KATNBL1: variants seen among roughly 807,000 people sequenced by gnomAD.
The protein encoded by KATNBL1 is katanin regulatory subunit B1 like 1, also known as KATNB1-like protein 1.
In KATNBL1, 28 loss-of-function variants were observed where a neutral mutation model predicts 44.7. The observed-to-expected ratio is 0.63, with a 90% CI of 0.46 to 0.86. The LOEUF (loss-of-function observed/expected upper bound fraction) is 0.86. Among genes scored for constraint, KATNBL1 ranks in the 40% least tolerant of loss-of-function variants. The pLI is 0.00. For missense variants in KATNBL1, 272 were observed against 350.7 expected (o/e 0.78, Z 1.79); for synonymous variants, 78 against 114.9 (o/e 0.68, Z 2.06).
intron 1 of KATNBL1, among the ~76,000 whole-genome samples, chr15:34,183,472 C>T (rs993800074): frequency 6.6e-6 from 1 of 152,168 alleles, no homozygotes; most frequent in Admixed American, 6.6e-5. Flanking sequence ...TTAGGTCAAA[C>T]AGATCCATGT....
At chr15:34,174,081 G>A (rs1256382585) in intron 1 of KATNBL1, among the ~76,000 whole-genome samples, 1 of 152,194 alleles carries the variant, frequency 6.6e-6, no homozygotes, top group African/African-American at 2.4e-5. Context: ...TCATTCTTGA[G>A]TTTTCCAAAT....
intron 1 of KATNBL1, among the ~76,000 whole-genome samples, chr15:34,184,223 G>C (rs141448944): frequency 6.6e-6 from 1 of 151,710 alleles, no homozygotes; most frequent in Non-Finnish European, 1.5e-5. Context: ...GGAGAATGGC[G>C]TGAACCCGAG....
intron 1 of KATNBL1, among the ~76,000 whole-genome samples, chr15:34,163,896 CTT>C (rs5811822): frequency 0.01 from 1,485 of 145,612 alleles, 12 homozygotes; most frequent in Non-Finnish European, 0.015. Context: ...TGTCCTCATT[CTT>C]TTTTTTTTTT....
chr15:34,146,672 G>A, intron 8 of KATNBL1, 89 bp downstream of exon 8: 1 of 767,240 alleles, frequency 1.3e-6, no homozygotes. Flanking sequence ...ATACACTGAT[G>A]ATAATGGGAT....
intron 2 of KATNBL1, among the ~76,000 whole-genome samples, chr15:34,158,304 A>G (rs759543433): frequency 3.3e-5 from 5 of 152,192 alleles, no homozygotes; most frequent in Non-Finnish European, 5.9e-5. Context: ...TTGGTCTGGT[A>G]ACACCCATTT....
intron 2 of KATNBL1, among the ~76,000 whole-genome samples, chr15:34,155,932 T>C (rs1021850651): frequency 6.6e-6 from 1 of 152,248 alleles, no homozygotes; most frequent in Non-Finnish European, 1.5e-5. Flanking sequence ...TAAATAAATG[T>C]GGGAGTCGAA....
chr15:34,192,909 G>A (rs1179364657), intron 1 of KATNBL1, among the ~76,000 whole-genome samples: 1 of 152,146 alleles, frequency 6.6e-6, no homozygotes, highest in Non-Finnish European at 1.5e-5. Context: ...CATCTCATAA[G>A]TATTACTTTA....
At chr15:34,145,008 T>C (rs1888266468) in intron 9 of KATNBL1, 2 of 879,240 alleles carry the variant, frequency 2.3e-6, no homozygotes, top group Non-Finnish European at 2.7e-6. Flanking sequence ...AGCATAACAT[T>C]AGCAAAAGTA....
chr15:34,184,576 C>CTTTTCTTTTCT (rs760395860), intron 1 of KATNBL1, among the ~76,000 whole-genome samples: 3 of 95,260 alleles, frequency 3.1e-5, no homozygotes, highest in South Asian at 3.6e-4. Flanking sequence ...CCTAATGTTT[C>CTTTTCTTTTCT]TTTTTTTTTT....
intron 1 of KATNBL1, among the ~76,000 whole-genome samples, chr15:34,172,560 G>A (rs1323110880): frequency 1.3e-5 from 2 of 152,050 alleles, no homozygotes; most frequent in Non-Finnish European, 2.9e-5. Flanking sequence ...CCCAGCCTAG[G>A]AACATATTCT....
chr15:34,199,735 A>C (rs1890122993), intron 1 of KATNBL1: 1 of 152,286 alleles, frequency 6.6e-6, no homozygotes, highest in Non-Finnish European at 1.5e-5. Flanking sequence ...GGCCGAATTC[A>C]AGAATGAAGC....
At chr15:34,174,496 T>C (rs185818723) in intron 1 of KATNBL1, among the ~76,000 whole-genome samples, 1 of 152,286 alleles carries the variant, frequency 6.6e-6, no homozygotes, top group East Asian at 1.9e-4. Flanking sequence ...CTGTATTATA[T>C]GTAAATGGTC....
chr15:34,143,079 A>G (rs900856844), intron 9 of KATNBL1: 4 of 1,168,324 alleles, frequency 3.4e-6, no homozygotes, highest in Middle Eastern at 2.3e-4. Context: ...AGAAAGTCTC[A>G]TCATAAGGAA....
At chr15:34,200,422 GT>G (rs71119947) in intron 1 of KATNBL1, among the ~76,000 whole-genome samples, 2,004 of 146,920 alleles carry the variant, frequency 0.014, 55 homozygotes, top group African/African-American at 0.046. Flanking sequence ...CCAGCTAATT[GT>G]TTTTTTTTTT....
At chr15:34,195,436 G>A (rs1205660237) in intron 1 of KATNBL1, among the ~76,000 whole-genome samples, 4 of 152,080 alleles carry the variant, frequency 2.6e-5, no homozygotes, top group African/African-American at 7.2e-5. Flanking sequence ...AGAGAGGTAG[G>A]GGTGGGAGAA....
rs1194465221 is a variant in KATNBL1 at position 34,152,803 on chromosome 15, C to A, written c.425G>T (p.Gly142Val). 4 of 1,607,808 alleles carry A rather than the reference C, an allele frequency of 2.5e-6. No homozygotes were observed. The highest frequency in any genetic ancestry group is 2.2e-5 in the East Asian group (1 of 44,698). Residue 142 changes from glycine (G) to valine (V), a missense_variant, in exon 4 of 10, where the codon GGG (glycine) becomes GTG (valine). By Grantham distance (109) the Gly-to-Val change is moderately radical. Around this residue, in one of 3 missense-constraint regions of KATNBL1, gnomAD observed 111 missense variants for 149.3 expected, o/e 0.74. Transcript: ENST00000256544. The stretch of plus-strand genomic sequence containing the variant: ...GAAAAGACTTACCTCAGAAAAAAAC[C>A]CACTATATTTTGATGATGGGCTTTC... ...QTESPSSKYS[G>V]FFSEVSQDHE... is the part of the protein sequence containing the mutation.
At chr15:34,205,981 C>G (rs1890284686) in intron 1 of KATNBL1, among the ~76,000 whole-genome samples, 2 of 152,134 alleles carry the variant, frequency 1.3e-5, no homozygotes, top group Non-Finnish European at 2.9e-5. Context: ...ATCCAGAGGC[C>G]TCTTCCCCAC....
rs10524351 is a variant in KATNBL1 at position 34,177,633 on chromosome 15, T to TAAAAAAAAA, written c.-14-13952_-14-13944dup. 5.4e-5 allele frequency among the ~76,000 whole-genome samples: 5 copies of TAAAAAAAAA among 91,906 alleles called. 2 individuals are homozygous for TAAAAAAAAA. The highest frequency in any genetic ancestry group is 3.9e-5 in the African/African-American group (1 of 25,562). 60.3% of individuals were successfully genotyped at this position (91,906 alleles called of 152,430 possible). A position where few individuals can be genotyped will look rare whatever the true frequency, so the allele number is the denominator to read the frequency against. Reference sequence around the variant, plus strand: ...GGGTGACAAGAGCAAAACTCTGTCTTAAAAAAAAAAAGGATTAAACAGCTC... The same window carrying TAAAAAAAAA: ...GGGTGACAAGAGCAAAACTCTGTCTTAAAAAAAAAAAAAAAAAAAAGGATTAAACAGCTC... On this transcript the variant is annotated intron_variant, in intron 1 of 9. Coordinates refer to ENST00000256544, the MANE Select transcript of KATNBL1 (RefSeq NM_024713.3).
intron 1 of KATNBL1, among the ~76,000 whole-genome samples, chr15:34,204,344 G>A (rs1448536499): frequency 6.6e-6 from 1 of 152,190 alleles, no homozygotes. Flanking sequence ...TACTTGCAAT[G>A]TAAACTGATG....
Sources: allele counts gnomAD v4.1 joint callset (sites outside exome capture counted in the v4.1 genomes callset), GRCh38; gene constraint gnomAD v4.1.1; regional missense constraint gnomAD v4.1.1; transcripts MANE v1.5; gene names NCBI Gene and HGNC (gene_info 2026-07-23, HGNC 2026-07-21).